ZNF106: variants seen among roughly 807,000 people sequenced by gnomAD.
ZNF106 encodes SH3-domain binding protein 3.
ZNF106 carries 67 observed loss-of-function variants against 195.1 expected under a neutral mutation model. The ratio of observed to expected loss-of-function variants is 0.34; its 90% CI spans 0.28 to 0.42. ZNF106 has a LOEUF of 0.42. Among genes scored for constraint, ZNF106 ranks in the 10% least tolerant of loss-of-function variants. The probability of loss-of-function intolerance (pLI) is 1.00; values close to 1 mark genes in which losing one functional copy is unlikely to be tolerated. For missense variants in ZNF106, 2,118 were observed against 2,304.5 expected (o/e 0.92, Z 1.66); for synonymous variants, 784 against 818.6 (o/e 0.96, Z 0.72).
At chr15:42,423,919 G>GC in intron 17 of ZNF106, 79 bp downstream of exon 17, 1 of 1,350,598 alleles carries the variant, frequency 7.4e-7, no homozygotes, top group Non-Finnish European at 1.0e-6. Context: ...AATTTAAATT[G>GC]CAAGAGGTTT....
chr15:42,468,059 T>G (rs1023959501), intron 2 of ZNF106, among the ~76,000 whole-genome samples: 3 of 148,898 alleles, frequency 2.0e-5, no homozygotes, highest in African/African-American at 7.6e-5. Flanking sequence ...GGGTTGTGAT[T>G]CAAAACGCCT....
intron 15 of ZNF106, among the ~76,000 whole-genome samples, chr15:42,426,697 C>A (rs2054872291): frequency 6.6e-6 from 1 of 151,734 alleles, no homozygotes; most frequent in Non-Finnish European, 1.5e-5. Context: ...AGCCACCATA[C>A]CCATCCACTT....
rs536261140 is a variant in ZNF106, at chr15:42,483,318, C to T, written c.-33+7662G>A. ...ACTCTCATGTTTGCACTTTTGAGAGCCACCAGCCTCTTCGAATGGCTCCAA... is the reference window on the plus strand; with the variant it reads ...ACTCTCATGTTTGCACTTTTGAGAGTCACCAGCCTCTTCGAATGGCTCCAA... On this transcript the variant is annotated intron_variant, in intron 1 of 21. Transcript: ENST00000564754. Among the ~76,000 whole-genome samples, 17 of 152,318 alleles carry T rather than the reference C, an allele frequency of 1.1e-4. No individual in the cohort carries two copies. In the East Asian group the frequency reaches 3.3e-3, roughly 29 times the overall value.
intron 14 of ZNF106, among the ~76,000 whole-genome samples, chr15:42,430,440 C>A (rs898669226): frequency 1.3e-5 from 2 of 152,016 alleles, no homozygotes; most frequent in Non-Finnish European, 1.5e-5. Flanking sequence ...AGTGCAGTGA[C>A]GTGATTACTG....
At chr15:42,484,483 T>C (rs1413670282) in intron 1 of ZNF106, among the ~76,000 whole-genome samples, 1 of 152,212 alleles carries the variant, frequency 6.6e-6, no homozygotes, top group Non-Finnish European at 1.5e-5. Context: ...ATGAATAGGA[T>C]AGGCATGGCG....
At position 42,446,349 on chromosome 15, in the gene ZNF106, G is replaced by A. The variant is rs550051958; in HGVS notation, c.3205+240C>T. ...TAATCCTAACACTTTGGGAGGCCAA[G>A]GTGAGAGGATCACTGGAGTCCAGGA... On this transcript the variant is annotated intron_variant, in intron 7 of 21. Transcript: ENST00000564754. Among the ~76,000 whole-genome samples, 10 of 152,296 alleles carry A rather than the reference G, an allele frequency of 6.6e-5. No individual in the cohort carries two copies. In the South Asian group the frequency reaches 1.2e-3, roughly 19 times the overall value.
chr15:42,418,703 T>G (rs1222270131), intron 20 of ZNF106, among the ~76,000 whole-genome samples: 1 of 152,046 alleles, frequency 6.6e-6, no homozygotes, highest in Non-Finnish European at 1.5e-5. Flanking sequence ...TTAACAATTC[T>G]AAGAACTGTT....
rs756508334 is a variant in ZNF106 at position 42,451,712 on chromosome 15, T to C, written c.560A>G (p.His187Arg). 5.0e-6 allele frequency: 8 copies of C among 1,614,210 alleles called. No homozygotes were observed. Among genetic ancestry groups the C allele is most frequent in the Non-Finnish European group, 6.8e-6 (8 of 1,180,040 alleles). Residue 187 changes from histidine to arginine, a missense_variant, in exon 5 of 22, where the codon CAT becomes CGT. Coordinates refer to ENST00000564754, the MANE Select transcript of ZNF106 (RefSeq NM_001366845.3). Reference sequence around the variant, plus strand: ...CGAGGAGCCTCCTGCAACACCCTTATGCCACCCGGAACGTCCTCTTGGTCC... The same window carrying C: ...CGAGGAGCCTCCTGCAACACCCTTACGCCACCCGGAACGTCCTCTTGGTCC... ...GGGPRGRSGW[H>R]KGVAGGSSTW...
chr15:42,489,090 AAC>A (rs1555432729), intron 1 of ZNF106, among the ~76,000 whole-genome samples: 420 of 136,342 alleles, frequency 3.1e-3, no homozygotes, highest in African/African-American at 0.011. Context: ...AAAAAAAAAA[AAC>A]AACACACACA....
chr15:42,475,407 A>G (rs2056764539), intron 1 of ZNF106, among the ~76,000 whole-genome samples: 1 of 152,164 alleles, frequency 6.6e-6, no homozygotes, highest in Non-Finnish European at 1.5e-5. Flanking sequence ...ACGCCCCTGC[A>G]CTCTAGCCTG....
rs1162999546 is a variant in ZNF106, at chr15:42,418,532, ATTT to A, written c.5518-584_5518-582del. On this transcript the variant is annotated intron_variant, in intron 20 of 21. Transcript: ENST00000564754. The stretch of plus-strand genomic sequence containing the variant: ...AGGCGTGCACCACCACGGCCAGTTA[ATTT>A]TTTTTTTTTTTTTTTTTTTTTTTAG... 1.2e-3 allele frequency among the ~76,000 whole-genome samples: 113 copies of A among 96,242 alleles called. 1 individual carries two copies. Among genetic ancestry groups the A allele is most frequent in the Non-Finnish European group, 2.0e-3 (101 of 49,520 alleles). 63.1% of individuals were successfully genotyped at this position (96,242 alleles called of 152,430 possible). A position where few individuals can be genotyped will look rare whatever the true frequency, so the allele number is the denominator to read the frequency against.
In ZNF106 at chr15:42,446,621, T is replaced by C. The variant is rs369527649; in HGVS notation, c.3173A>G (p.Lys1058Arg). The change falls in exon 7 of 22, where the codon AAA becomes AGA. Residue 1058 changes from lysine to arginine, a missense_variant. Lys to Arg is a conservative substitution (Grantham distance 26). Coordinates refer to ENST00000564754, the MANE Select transcript of ZNF106 (RefSeq NM_001366845.3). The stretch of plus-strand genomic sequence containing the variant: ...TCCTTTAATTTTCCTTCTTTTATTT[T>C]TTCTCTCAAGACTTGGGAGTTCAGG... ...SSPELPSLERKNKRRKIKGKK... is the reference protein window; with the variant it reads ...SSPELPSLERRNKRRKIKGKK... 1.9e-6 allele frequency: 3 copies of C among 1,603,852 alleles called. No homozygotes were observed. The highest frequency in any genetic ancestry group is 4.5e-5 in the East Asian group (2 of 44,646).
rs773570716 is a variant in ZNF106, at chr15:42,434,646, C to A, written c.4881+738G>T. 8.3e-4 allele frequency among the ~76,000 whole-genome samples: 126 copies of A among 152,026 alleles called. 1 individual carries two copies. Among genetic ancestry groups the A allele is most frequent in the Middle Eastern group, 3.4e-3 (1 of 294 alleles). On this transcript the variant is annotated intron_variant, in intron 14 of 21. Coordinates refer to ENST00000564754, the MANE Select transcript of ZNF106 (RefSeq NM_001366845.3). ...CTCCATCTTTTAAAGAAATTAAAAA[C>A]ATATTGTATATAATTTTAAATGTAA...
At chr15:42,418,337 T>C (rs2141250143) in intron 20 of ZNF106, among the ~76,000 whole-genome samples, 1 of 151,946 alleles carries the variant, frequency 6.6e-6, no homozygotes, top group African/African-American at 2.4e-5. Context: ...GCAAATACCT[T>C]TCCTATAATA....
chr15:42,417,308 G>C lies in ZNF106; in HGVS notation c.5717C>G (p.Ser1906Ter). The C allele has an allele frequency of 6.2e-7, 1 of 1,613,986 alleles. No individual in the cohort carries two copies. Among genetic ancestry groups the C allele is most frequent in the Non-Finnish European group, 8.5e-7 (1 of 1,179,972 alleles). ...RHAEDDSKID[S>*] ...CAACGTGGGAGGCAAAAAACTTCAT[G>C]AATCAATTTTGCTGTCATCTTCAGC... The change falls in exon 22 of 22, where the codon TCA (serine) becomes TGA (stop). Residue 1906 changes from serine to a stop codon, truncating the protein, a stop_gained. Transcript: ENST00000564754. LOFTEE classifies it high-confidence loss of function.
At chr15:42,417,778 G>A (rs574344009) in intron 21 of ZNF106, 27 bp downstream of exon 21, 5 of 1,599,274 alleles carry the variant, frequency 3.1e-6, no homozygotes, top group Admixed American at 1.7e-5. Context: ...CTGAATCCCA[G>A]GCAAACCTCA....
At chr15:42,423,204 C>T (rs2054731931) in intron 17 of ZNF106, among the ~76,000 whole-genome samples, 1 of 151,750 alleles carries the variant, frequency 6.6e-6, no homozygotes, top group African/African-American at 2.4e-5. Context: ...TCCATCTCTA[C>T]AAAAAATATA....
chr15:42,448,107 C>T lies in ZNF106; in HGVS notation c.3100G>A (p.Gly1034Ser). 1 of 1,613,756 alleles carries T rather than the reference C, an allele frequency of 6.2e-7. No individual in the cohort carries two copies. Among genetic ancestry groups the T allele is most frequent in the Non-Finnish European group, 8.5e-7 (1 of 1,179,746 alleles). The change falls in exon 6 of 22, where the codon GGC (glycine) becomes AGC (serine). Residue 1034 changes from glycine to serine, a missense_variant. By Grantham distance (56) the Gly-to-Ser change is moderately conservative. Coordinates refer to ENST00000564754, the MANE Select transcript of ZNF106 (RefSeq NM_001366845.3). Reference sequence around the variant, plus strand: ...CTTCGTTTCTTTCTAATACTTTGGCCATCATTTTGTTCAGCACCAGAGGTA... The same window carrying T: ...CTTCGTTTCTTTCTAATACTTTGGCTATCATTTTGTTCAGCACCAGAGGTA... ...SCTSGAEQND[G>S]QSIRKKRRAT...
At position 42,421,856 on chromosome 15, in the gene ZNF106, A is replaced by T. The variant is rs1208825798; in HGVS notation, c.5445+61T>A. 2.8e-6 allele frequency: 4 copies of T among 1,407,260 alleles called. No homozygotes were observed. In the Admixed American group the frequency reaches 7.8e-5, roughly 28 times the overall value. 87.2% of individuals were successfully genotyped at this position (1,407,260 alleles called of 1,614,324 possible). A position where few individuals can be genotyped will look rare whatever the true frequency, so the allele number is the denominator to read the frequency against. On this transcript the variant is annotated intron_variant, in intron 19 of 21. Transcript: ENST00000564754. ...GAAGCAGATGTCACTTTTGGAAGTG[A>T]CAAGAATTTTTTAGCAAACACATTC...
Sources: gnomAD v4.1 joint callset for allele counts (sites outside exome capture counted in the v4.1 genomes callset) on GRCh38, gnomAD v4.1.1 for gene constraint, MANE v1.5 for transcripts, NCBI Gene and HGNC (gene_info 2026-07-23, HGNC 2026-07-21) for gene names.